DOCK10: variants seen among roughly 807,000 people sequenced by gnomAD.
DOCK10 encodes dedicator of cytokinesis protein 10.
A neutral mutation model predicts 280.1 loss-of-function variants in DOCK10; 145 were observed. The ratio of observed to expected loss-of-function variants is 0.52; its 90% CI spans 0.45 to 0.59. The LOEUF is 0.59. DOCK10 is among the 20% of genes least tolerant of loss of function. The probability of loss-of-function intolerance (pLI) is 0.00; values close to 1 mark genes in which losing one functional copy is unlikely to be tolerated. For synonymous variants in DOCK10, 915 were observed against 942.2 expected, an observed-to-expected ratio of 0.97 and a Z score of 0.53; for missense variants, 2,368 against 2,651.7, an observed-to-expected ratio of 0.89 and a Z score of 2.35.
intron 1 of DOCK10, among the ~76,000 whole-genome samples, chr2:225,007,652 AG>A (rs1689312054): frequency 6.6e-6 from 1 of 152,310 alleles, no homozygotes; most frequent in African/African-American, 2.4e-5. Context: ...AGAATAAAAA[AG>A]GTGGTGATCC....
At chr2:224,828,582 C>A (rs1695016884) in intron 27 of DOCK10, among the ~76,000 whole-genome samples, 1 of 152,084 alleles carries the variant, frequency 6.6e-6, no homozygotes, top group African/African-American at 2.4e-5. Context: ...TGCTGGGGAC[C>A]AATATCATTA....
chr2:225,036,794 C>T (rs963024406), intron 1 of DOCK10, among the ~76,000 whole-genome samples: 1 of 152,158 alleles, frequency 6.6e-6, no homozygotes, highest in Non-Finnish European at 1.5e-5. Flanking sequence ...TCCTCTTTGA[C>T]TTGGTCACCA....
chr2:224,920,152 A>G (rs979084629), intron 2 of DOCK10, among the ~76,000 whole-genome samples: 1 of 152,058 alleles, frequency 6.6e-6, no homozygotes, highest in Non-Finnish European at 1.5e-5. Context: ...AGCTCACAGC[A>G]GCCTCGACCT....
rs5839086 is a variant in DOCK10, at chr2:225,038,276, TAA to T, written c.123+3974_123+3975del. ...GAAATTCCAGTATCCCCCACTCAAT[TAA>T]AAAAAAAAAAATCCCTCCTACTCTC... On this transcript the variant is annotated intron_variant, in intron 1 of 55. Coordinates refer to ENST00000258390, the MANE Select transcript of DOCK10 (RefSeq NM_014689.3). 4.5e-3 allele frequency among the ~76,000 whole-genome samples: 671 copies of T among 148,824 alleles called. 5 individuals carry two copies. Among genetic ancestry groups the T allele is most frequent in the African/African-American group, 0.013 (508 of 40,386 alleles).
At chr2:224,829,085 G>A (rs1262101596) in intron 27 of DOCK10, among the ~76,000 whole-genome samples, 1 of 152,166 alleles carries the variant, frequency 6.6e-6, no homozygotes, top group African/African-American at 2.4e-5. Context: ...GGGCCCTATA[G>A]CCATTTACTC....
intron 1 of DOCK10, among the ~76,000 whole-genome samples, chr2:224,956,261 T>C (rs1432583548): frequency 1.3e-5 from 2 of 152,234 alleles, no homozygotes; most frequent in Non-Finnish European, 2.9e-5. Context: ...GTTTAAAATG[T>C]GGATTCCTTG....
intron 5 of DOCK10, 80 bp downstream of exon 5, chr2:224,886,379 C>T (rs1266053529): frequency 2.0e-6 from 3 of 1,502,446 alleles, no homozygotes; most frequent in African/African-American, 2.8e-5. Context: ...ACAAACCGGT[C>T]AGAACTCGAA....
At chr2:224,905,271 C>T (rs982878902) in intron 3 of DOCK10, among the ~76,000 whole-genome samples, 1 of 123,212 alleles carries the variant, frequency 8.1e-6, no homozygotes. Flanking sequence ...GACGGAGTCT[C>T]GCTCTATCGC....
intron 2 of DOCK10, among the ~76,000 whole-genome samples, chr2:224,920,553 C>T (rs1701645460): frequency 6.7e-6 from 1 of 150,256 alleles, no homozygotes; most frequent in South Asian, 2.1e-4. Context: ...ATCTGGGATG[C>T]CTTTGTTTCC....
intron 1 of DOCK10, among the ~76,000 whole-genome samples, chr2:224,946,198 G>T (rs1199126188): frequency 6.6e-6 from 1 of 152,156 alleles, no homozygotes; most frequent in Non-Finnish European, 1.5e-5. Flanking sequence ...ACAGTTTATA[G>T]ATCTGTAAAG....
intron 13 of DOCK10, among the ~76,000 whole-genome samples, chr2:224,863,364 G>T (rs1697652940): frequency 6.6e-6 from 1 of 152,086 alleles, no homozygotes; most frequent in Admixed American, 6.6e-5. Flanking sequence ...TTCCTAAATT[G>T]TCATACATGC....
At chr2:224,997,891 G>C (rs1050416543) in intron 1 of DOCK10, among the ~76,000 whole-genome samples, 1 of 152,168 alleles carries the variant, frequency 6.6e-6, no homozygotes, top group Admixed American at 6.5e-5. Context: ...CTGGTGGCTC[G>C]AAGAGAGCCT....
intron 7 of DOCK10, among the ~76,000 whole-genome samples, chr2:224,882,984 G>A (rs1056550502): frequency 6.6e-6 from 1 of 152,170 alleles, no homozygotes; most frequent in Non-Finnish European, 1.5e-5. Context: ...CAAGAAACTG[G>A]TCCCTGCCTC....
intron 1 of DOCK10, among the ~76,000 whole-genome samples, chr2:224,997,590 G>T (rs1706310933): frequency 2.0e-5 from 3 of 152,070 alleles, no homozygotes; most frequent in African/African-American, 7.3e-5. Context: ...GATCTTTGCT[G>T]CCCTCCTCTT....
At chr2:224,997,452 G>A (rs753087114) in intron 1 of DOCK10, among the ~76,000 whole-genome samples, 15 of 152,126 alleles carry the variant, frequency 9.9e-5, no homozygotes, top group Middle Eastern at 3.4e-3. Context: ...GGCTGGTCTC[G>A]AACTCTTGAC....
intron 3 of DOCK10, among the ~76,000 whole-genome samples, chr2:224,910,474 G>C (rs1428534975): frequency 6.6e-6 from 1 of 152,188 alleles, no homozygotes; most frequent in Admixed American, 6.5e-5. Context: ...CCAGATGTTG[G>C]ATCTGTCTAT....
At chr2:225,040,141 C>T (rs769632615) in intron 1 of DOCK10, among the ~76,000 whole-genome samples, 6 of 152,068 alleles carry the variant, frequency 3.9e-5, no homozygotes, top group Non-Finnish European at 7.3e-5. Flanking sequence ...TCCAATGACA[C>T]GGTTTTAGGT....
chr2:225,036,612 T>C (rs777020898), intron 1 of DOCK10, among the ~76,000 whole-genome samples: 8 of 152,214 alleles, frequency 5.3e-5, no homozygotes. Flanking sequence ...TTGCTGGTCC[T>C]TGGACAACAC....
chr2:224,946,398 C>T (rs1703421905), intron 1 of DOCK10, among the ~76,000 whole-genome samples: 1 of 150,110 alleles, frequency 6.7e-6, no homozygotes. Flanking sequence ...TTGGATTGCT[C>T]TTTCTAAGAA....
Sources: gnomAD v4.1 joint callset for allele counts (sites outside exome capture counted in the v4.1 genomes callset) on GRCh38, gnomAD v4.1.1 for gene constraint, MANE v1.5 for transcripts, NCBI Gene and HGNC (gene_info 2026-07-23, HGNC 2026-07-21) for gene names.